UNC79: variants seen among roughly 807,000 people sequenced by gnomAD.
UNC79 encodes protein unc-79 homolog.
Under a neutral mutation model 283.1 loss-of-function variants are expected in UNC79, and 37 were observed. The ratio of observed to expected loss-of-function variants is 0.13; its 90% CI spans 0.10 to 0.17. The LOEUF is 0.17. UNC79 is among the 10% of genes least tolerant of loss of function. The probability of loss-of-function intolerance (pLI) is 1.00; values close to 1 mark genes in which losing one functional copy is unlikely to be tolerated. For synonymous variants in UNC79, 1,107 were observed against 1,200.2 expected, an observed-to-expected ratio of 0.92 and a Z score of 1.61; for missense variants, 2,272 against 3,211.1, an observed-to-expected ratio of 0.71 and a Z score of 7.07.
In UNC79 at chr14:93,614,335, A is replaced by ATTTT. The variant is rs57552013; in HGVS notation, c.4041+1252_4041+1253insTTTT. ...TATTTATTTATTTATTTATTTATTT[A>ATTTT]GAGACGGAGTCTCGCTGTGTGGCCA... On this transcript the variant is annotated intron_variant, in intron 27 of 48. Coordinates refer to ENST00000555664, the Ensembl canonical transcript of UNC79. 9.0e-3 allele frequency among the ~76,000 whole-genome samples: 1,200 copies of ATTTT among 133,322 alleles called. 20 individuals carry two copies. The highest frequency in any genetic ancestry group is 0.059 in the South Asian group (269 of 4,558). The allele number at this position is 133,322 out of a possible 152,430, so 87.5% of individuals were successfully genotyped here. A position where few individuals can be genotyped will look rare whatever the true frequency, so the allele number is the denominator to read the frequency against.
At chr14:93,661,371 G>A (rs2071585175) in intron 39 of UNC79, among the ~76,000 whole-genome samples, 1 of 152,218 alleles carries the variant, frequency 6.6e-6, no homozygotes, top group Admixed American at 6.5e-5. Flanking sequence ...GACTATGGAT[G>A]ACTTTTACTT....
chr14:93,488,563 G>T (rs2058564325), intron 5 of UNC79, among the ~76,000 whole-genome samples: 2 of 152,158 alleles, frequency 1.3e-5, no homozygotes, highest in South Asian at 2.1e-4. Context: ...TCAGAATGAG[G>T]AAAAATTTTT....
chr14:93,368,100 C>G (rs2054370697), intron 1 of UNC79, among the ~76,000 whole-genome samples: 1 of 152,162 alleles, frequency 6.6e-6, no homozygotes, highest in Admixed American at 6.5e-5. Flanking sequence ...TTTAGTTAGG[C>G]CTGTTCTTCC....
intron 22 of UNC79, among the ~76,000 whole-genome samples, chr14:93,592,162 A>G (rs1042971704): frequency 2.7e-5 from 4 of 150,376 alleles, no homozygotes; most frequent in South Asian, 2.1e-4. Context: ...CATTCATTAC[A>G]TAACTTTTCC....
In UNC79 at chr14:93,677,701, G is replaced by T. The variant is rs193009481; in HGVS notation, c.6741+4246G>T. 3.9e-5 allele frequency among the ~76,000 whole-genome samples: 6 copies of T among 152,242 alleles called. No homozygotes were observed. In the East Asian group the frequency reaches 1.2e-3, roughly 29 times the overall value. On this transcript the variant is annotated intron_variant, in intron 41 of 48. Transcript: ENST00000555664. ...GGCTTGCTCTGTCACCCAGGCTGGA[G>T]TGCAATGGTGCAATCTCAGCTCACT...
At chr14:93,340,409 T>A (rs2053678982) in intron 1 of UNC79, among the ~76,000 whole-genome samples, 1 of 135,580 alleles carries the variant, frequency 7.4e-6, no homozygotes. Context: ...GCCACTGCAC[T>A]CTAGCCTGGG....
intron 7 of UNC79, among the ~76,000 whole-genome samples, chr14:93,520,385 T>C (rs931974778): frequency 6.6e-6 from 1 of 151,924 alleles, no homozygotes; most frequent in African/African-American, 2.4e-5. Flanking sequence ...TTTGGTGTTA[T>C]TTTCTTTGCT....
At chr14:93,600,908 T>G (rs2065453156) in intron 25 of UNC79, 138 bp downstream of exon 25, 2 of 871,040 alleles carry the variant, frequency 2.3e-6, no homozygotes, top group Admixed American at 5.7e-5. Flanking sequence ...ATTAAATGAT[T>G]ATTGAATAGC....
exon 30 of UNC79, chr14:93,622,002 A>G: frequency 6.2e-7 from 1 of 1,614,008 alleles, no homozygotes; most frequent in Non-Finnish European, 8.5e-7. Flanking sequence ...GAGACTTTCG[A>G]GGTGAAAGTT....
chr14:93,527,805 T>G (rs2060614315), intron 8 of UNC79, among the ~76,000 whole-genome samples: 1 of 152,178 alleles, frequency 6.6e-6, no homozygotes, highest in Non-Finnish European at 1.5e-5. Context: ...AAGTACAAAA[T>G]GCAGTTAGTT....
intron 17 of UNC79, among the ~76,000 whole-genome samples, chr14:93,577,080 GT>G (rs1334206827): frequency 6.6e-6 from 1 of 151,864 alleles, no homozygotes; most frequent in Non-Finnish European, 1.5e-5. Flanking sequence ...CATGCCTTTT[GT>G]CCCAGCTACT....
intron 39 of UNC79, 98 bp downstream of exon 42, chr14:93,659,359 T>C (rs2071286725): frequency 1.3e-5 from 12 of 931,496 alleles, no homozygotes; most frequent in East Asian, 2.6e-5. Context: ...AGTTATGGCA[T>C]ACTGAATGCT....
chr14:93,497,176 C>A (rs765285194), exon 7 of UNC79: 2 of 1,612,124 alleles, frequency 1.2e-6, no homozygotes, highest in South Asian at 1.1e-5. Context: ...TATGTGATTG[C>A]GTATGGGCCT....
At chr14:93,596,185 G>C (rs2065068157) in intron 23 of UNC79, among the ~76,000 whole-genome samples, 1 of 152,136 alleles carries the variant, frequency 6.6e-6, no homozygotes, top group Admixed American at 6.5e-5. Flanking sequence ...CTCATATTCT[G>C]AGCACACAAA....
At chr14:93,477,124 G>A (rs1251534470) in intron 3 of UNC79, among the ~76,000 whole-genome samples, 1 of 152,176 alleles carries the variant, frequency 6.6e-6, no homozygotes, top group Non-Finnish European at 1.5e-5. Context: ...GCTGAAGGTT[G>A]CAAATTACCT....
At chr14:93,346,572 AT>A (rs1170630473) in intron 1 of UNC79, among the ~76,000 whole-genome samples, 2 of 152,306 alleles carry the variant, frequency 1.3e-5, no homozygotes, top group East Asian at 1.9e-4. Context: ...TGCCATGAAT[AT>A]TTTTTATATC....
chr14:93,469,934 G>T (rs2057416196), intron 2 of UNC79, among the ~76,000 whole-genome samples: 1 of 152,042 alleles, frequency 6.6e-6, no homozygotes, highest in Non-Finnish European at 1.5e-5. Context: ...CTAAGCATTT[G>T]GTGTCCAAGA....
At chr14:93,442,796 AC>A (rs1225692580) in intron 1 of UNC79, among the ~76,000 whole-genome samples, 1 of 152,178 alleles carries the variant, frequency 6.6e-6, no homozygotes, top group African/African-American at 2.4e-5. Flanking sequence ...AAAGATAAAG[AC>A]CCATATCCTG....
intron 10 of UNC79, among the ~76,000 whole-genome samples, chr14:93,532,303 C>CAAAAA (rs5810632): frequency 7.8e-6 from 1 of 127,594 alleles, no homozygotes; most frequent in Admixed American, 8.2e-5. Context: ...CCCATGTCTA[C>CAAAAA]AAAAAAAAAA....
Sources: allele counts gnomAD v4.1 joint callset (sites outside exome capture counted in the v4.1 genomes callset), GRCh38; gene constraint gnomAD v4.1.1; transcripts MANE v1.5; gene names NCBI Gene and HGNC (gene_info 2026-07-23, HGNC 2026-07-21).